The following BRD7 variants were observed in gnomAD, a reference collection of about 807,000 sequenced individuals.
BRD7 encodes bromodomain-containing protein 7.
A neutral mutation model predicts 82.1 loss-of-function variants in BRD7; 15 were observed. The ratio of observed to expected loss-of-function variants is 0.18; its 90% CI spans 0.12 to 0.28. BRD7 has a LOEUF of 0.28. Among genes scored for constraint, BRD7 ranks in the 10% least tolerant of loss-of-function variants. BRD7 has a pLI of 1.00. For synonymous variants in BRD7, 232 were observed against 266.9 expected, an observed-to-expected ratio of 0.87 and a Z score of 1.27; for missense variants, 638 against 779.9, an observed-to-expected ratio of 0.82 and a Z score of 2.17.
At chr16:50,346,729 T>C (rs1164450555) in intron 5 of BRD7, among the ~76,000 whole-genome samples, 1 of 152,106 alleles carries the variant, frequency 6.6e-6, no homozygotes, top group East Asian at 1.9e-4. Context: ...AGAAGCTGAA[T>C]CCCTGAATAG....
At chr16:50,341,762 A>G (rs2038065310) in intron 5 of BRD7, among the ~76,000 whole-genome samples, 1 of 151,844 alleles carries the variant, frequency 6.6e-6, no homozygotes, top group African/African-American at 2.4e-5. Flanking sequence ...TGGCCAGATA[A>G]TGGGCCTATG....
chr16:50,334,630 AGT>A (rs992517077), intron 7 of BRD7, 79 bp downstream of exon 7: 2 of 1,520,638 alleles, frequency 1.3e-6, no homozygotes, highest in African/African-American at 2.8e-5. Context: ...GGTCTTCCCA[AGT>A]CAGGCCCCGA....
In BRD7 at chr16:50,368,976, CGGCG is replaced by C. The variant is rs1452861300; in HGVS notation, c.-206_-203del. The C allele has an allele frequency of 2.8e-5, 4 of 144,790 alleles. No homozygotes were observed. Among genetic ancestry groups the C allele is most frequent in the African/African-American group, 1.1e-4 (4 of 35,390 alleles). 9.0% of individuals were successfully genotyped at this position (144,790 alleles called of 1,614,324 possible). A position where few individuals can be genotyped will look rare whatever the true frequency, so the allele number is the denominator to read the frequency against. ...AGACCCGGCCGGAGCCCGAGAGCGGCGGCGGGGGGGGCGCGCGGCCGGCGCAGAG... is the reference window on the plus strand; with the variant it reads ...AGACCCGGCCGGAGCCCGAGAGCGGCGGGGGGGCGCGCGGCCGGCGCAGAG... On this transcript the variant is annotated 5_prime_UTR_variant, in exon 1 of 17. Transcript: ENST00000394688.
At chr16:50,363,723 C>G (rs551989382) in intron 2 of BRD7, among the ~76,000 whole-genome samples, 1 of 152,022 alleles carries the variant, frequency 6.6e-6, no homozygotes, top group South Asian at 2.1e-4. Flanking sequence ...GTAACAGATT[C>G]CTAATTTTTA....
At chr16:50,353,990 A>G (rs2038638595) in intron 4 of BRD7, among the ~76,000 whole-genome samples, 2 of 152,088 alleles carry the variant, frequency 1.3e-5, no homozygotes, top group South Asian at 4.1e-4. Context: ...TTTAGAACCA[A>G]TTTCTGCATT....
rs749644774 is a variant in BRD7 at position 50,334,867 on chromosome 16, A to G, written c.731T>C (p.Ile244Thr). The stretch of plus-strand genomic sequence containing the variant: ...TTTCTGCAAGTCAGCCATGAAGTCT[A>G]TGCTCTGCTTCAGGCTCTGAATTCT... ...QERIQSLKQS[I>T]DFMADLQKTR... Residue 244 changes from isoleucine (I) to threonine (T), a missense_variant, in exon 7 of 17, where the codon ATA becomes ACA. By Grantham distance (89) the Ile-to-Thr change is moderately conservative. Coordinates refer to ENST00000394688, the MANE Select transcript of BRD7 (RefSeq NM_013263.5). 2 of 1,614,052 alleles carry G rather than the reference A, an allele frequency of 1.2e-6. No homozygotes were observed. Among genetic ancestry groups the G allele is most frequent in the South Asian group, 2.2e-5 (2 of 91,078 alleles).
At chr16:50,336,581 CAAAA>C (rs1458000601) in intron 6 of BRD7, among the ~76,000 whole-genome samples, 1 of 152,044 alleles carries the variant, frequency 6.6e-6, no homozygotes, top group African/African-American at 2.4e-5. Context: ...AAACAAAAAA[CAAAA>C]AACACAAACA....
At chr16:50,334,643 A>G (rs1267364903) in intron 7 of BRD7, 68 bp downstream of exon 7, 26 of 1,553,240 alleles carry the variant, frequency 1.7e-5, no homozygotes, top group Admixed American at 7.4e-5. Flanking sequence ...CAGGCCCCGA[A>G]TAAGTATTTT....
At chr16:50,343,183 CTGT>C (rs2038141562) in intron 5 of BRD7, among the ~76,000 whole-genome samples, 2 of 152,250 alleles carry the variant, frequency 1.3e-5, no homozygotes, top group Admixed American at 1.3e-4. Flanking sequence ...GTTTGGCTCT[CTGT>C]CCCCACCCCA....
At chr16:50,363,609 T>A (rs1372036530) in intron 2 of BRD7, among the ~76,000 whole-genome samples, 1 of 152,012 alleles carries the variant, frequency 6.6e-6, no homozygotes, top group African/African-American at 2.4e-5. Context: ...CTGAGGCACT[T>A]TTGAAAAATT....
chr16:50,340,146 C>G (rs2037986992), intron 5 of BRD7, 60 bp from the exon 6 acceptor site: 1 of 933,220 alleles, frequency 1.1e-6, no homozygotes, highest in African/African-American at 1.7e-5. Flanking sequence ...CCCTGCACCC[C>G]CAGGTTGAAA....
intron 11 of BRD7, 113 bp from the exon 12 acceptor site, chr16:50,323,811 T>C: frequency 1.4e-6 from 1 of 696,448 alleles, no homozygotes; most frequent in Admixed American, 2.4e-5. Context: ...TGACATCAAA[T>C]TTCTGCCTAG....
chr16:50,336,327 A>G (rs1034482482), intron 6 of BRD7, among the ~76,000 whole-genome samples: 4 of 152,238 alleles, frequency 2.6e-5, no homozygotes, highest in African/African-American at 7.2e-5. Flanking sequence ...ACAAAGTCAA[A>G]GGGAATGAAT....
chr16:50,366,814 A>T (rs1467201712), intron 2 of BRD7, among the ~76,000 whole-genome samples: 1 of 146,142 alleles, frequency 6.8e-6, no homozygotes. Context: ...ACTATTAATT[A>T]AAAAAAACAA....
intron 5 of BRD7, among the ~76,000 whole-genome samples, chr16:50,343,161 A>G (rs953040711): frequency 6.6e-6 from 1 of 152,214 alleles, no homozygotes; most frequent in Non-Finnish European, 1.5e-5. Flanking sequence ...ACTTTAGAGT[A>G]CATGTGATAT....
chr16:50,318,860 A>G lies in BRD7; in HGVS notation c.*351T>C, dbSNP rs147159153. ...GGCAGAACCACAGTAGTAAATTCTA[A>G]AATTATTTCAAGTATGTTCGTATAA... On this transcript the variant is annotated 3_prime_UTR_variant, in exon 17 of 17. Coordinates refer to ENST00000394688, the MANE Select transcript of BRD7 (RefSeq NM_013263.5). The G allele has an allele frequency of 5.4e-6, 1 of 186,802 alleles. No individual in the cohort carries two copies. Among genetic ancestry groups the G allele is most frequent in the Non-Finnish European group, 1.1e-5 (1 of 91,106 alleles). The allele number at this position is 186,802 out of a possible 1,614,324, so 11.6% of individuals were successfully genotyped here.
chr16:50,337,825 A>T (rs1461536159), intron 6 of BRD7, among the ~76,000 whole-genome samples: 1 of 152,124 alleles, frequency 6.6e-6, no homozygotes, highest in Non-Finnish European at 1.5e-5. Context: ...GAGAACAGTC[A>T]ATAGGAAGCT....
intron 2 of BRD7, among the ~76,000 whole-genome samples, chr16:50,357,689 G>A (rs72786285): frequency 0.025 from 3,801 of 152,178 alleles, 64 homozygotes; most frequent in South Asian, 0.035. Flanking sequence ...TTTGGTCAAC[G>A]ACCAAACTGG....
At position 50,319,277 on chromosome 16, in the gene BRD7, A is replaced by AAGAC. The variant is rs1164599161; in HGVS notation, c.1901-15_1901-12dup. 2 of 1,611,750 alleles carry AAGAC rather than the reference A, an allele frequency of 1.2e-6. No individual in the cohort carries two copies. The highest frequency in any genetic ancestry group is 1.7e-4 in the Middle Eastern group (1 of 6,056). On this transcript the variant is annotated splice_polypyrimidine_tract_variant and intron_variant, in intron 16 of 16. Transcript: ENST00000394688. ...TAGGTTCTTCAGTGTCTGAAAGAAAAAGACATCACTTAATTCAACATTGTT... is the reference window on the plus strand; with the variant it reads ...TAGGTTCTTCAGTGTCTGAAAGAAAAAGACAGACATCACTTAATTCAACATTGTT...
Sources: allele counts gnomAD v4.1 joint callset (sites outside exome capture counted in the v4.1 genomes callset), GRCh38; gene constraint gnomAD v4.1.1; transcripts MANE v1.5; gene names NCBI Gene and HGNC (gene_info 2026-07-23, HGNC 2026-07-21).